The following A2M variants were observed in gnomAD, a reference collection of about 807,000 sequenced individuals.
A2M encodes alpha-2-macroglobulin.
A2M carries 128 observed loss-of-function variants against 183.9 expected under a neutral mutation model. The observed-to-expected ratio is 0.70, with a 90% CI of 0.60 to 0.81. The LOEUF is 0.81. Among genes scored for constraint, A2M ranks in the 30% least tolerant of loss-of-function variants. A2M has a pLI of 0.00. For synonymous variants in A2M, 592 were observed against 670.8 expected (o/e 0.88, Z 1.81); for missense variants, 1,495 against 1,787.6 (o/e 0.84, Z 2.95).
Position 9,095,552 on chromosome 12 carries a change from T to C in A2M, c.2000A>G (p.Tyr667Cys). Reference protein sequence around the residue: ...PVSSTNEKDMYSFLEDMGLKA... With the variant: ...PVSSTNEKDMCSFLEDMGLKA... ...TAAGGAGTTTACCTCTAGGAAGCTG[T>C]ACATATCCTTTTCATTTGTACTTGA... is the stretch of plus-strand genomic sequence containing the variant. Residue 667 changes from tyrosine (Y) to cysteine (C), a missense_variant, in exon 16 of 36, where the codon TAC becomes TGC. Transcript: ENST00000318602. 1 of 1,612,086 alleles carries C rather than the reference T, an allele frequency of 6.2e-7. No individual in the cohort carries two copies. The highest frequency in any genetic ancestry group is 8.5e-7 in the Non-Finnish European group (1 of 1,178,462).
At chr12:9,112,592 T>C in intron 2 of A2M, 56 bp from the exon 3 acceptor site, 1 of 1,593,022 alleles carries the variant, frequency 6.3e-7, no homozygotes, top group Non-Finnish European at 8.6e-7. Context: ...TCTCCTCCCC[T>C]ATTTGCTGTT....
chr12:9,110,423 A>AT lies in A2M; in HGVS notation c.484-90dup, dbSNP rs2137960807. ...AGCAAAGCAGCTAGTATTTGCTAGC[A>AT]TAACAGGGTGAGTATAGTAAAAAAT... On this transcript the variant is annotated intron_variant, in intron 4 of 35. Transcript: ENST00000318602. 4.0e-6 allele frequency: 3 copies of AT among 745,400 alleles called. No individual in the cohort carries two copies. The East Asian group carries it at 8.8e-5, about 22-fold the overall frequency. 46.2% of individuals were successfully genotyped at this position (745,400 alleles called of 1,614,324 possible). A position where few individuals can be genotyped will look rare whatever the true frequency, so the allele number is the denominator to read the frequency against.
intron 25 of A2M, among the ~76,000 whole-genome samples, chr12:9,078,282 A>AC (rs11379731): frequency 0.55 from 83,548 of 151,810 alleles, 24,543 homozygotes; most frequent in African/African-American, 0.75. Flanking sequence ...ATGAGTGAGA[A>AC]ATGTGGTGTT....
rs781031290 is a variant in A2M at position 9,074,790 on chromosome 12, G to T, written c.3533-7C>A. On this transcript the variant is annotated splice_region_variant and splice_polypyrimidine_tract_variant and intron_variant, in intron 28 of 35. Transcript: ENST00000318602. ...TCCCAATGGACAGAGTTGTCTTAAA[G>T]ATGAGAAAAAGATATTTATAAGTGC... The T allele has an allele frequency of 1.2e-6, 2 of 1,601,588 alleles. No homozygotes were observed. Among genetic ancestry groups the T allele is most frequent in the Admixed American group, 3.4e-5 (2 of 58,210 alleles).
At chr12:9,102,243 T>G (rs949696614) in intron 11 of A2M, among the ~76,000 whole-genome samples, 1 of 152,062 alleles carries the variant, frequency 6.6e-6, no homozygotes, top group African/African-American at 2.4e-5. Context: ...TGAGACAGGG[T>G]TTTGCTCTGG....
In A2M at chr12:9,092,492, A is replaced by C. The variant is rs181310504; in HGVS notation, c.2240+973T>G. On this transcript the variant is annotated intron_variant, in intron 18 of 35. Coordinates refer to ENST00000318602, the MANE Select transcript of A2M (RefSeq NM_000014.6). ...CTGTCTCCTAAGGGTTGGGCTTCTA[A>C]ACAGCCTGCATCTGGGAGTGAAAGG... Among the ~76,000 whole-genome samples, 113 of 152,282 alleles carry C rather than the reference A, an allele frequency of 7.4e-4. 1 individual carries two copies. Among genetic ancestry groups the C allele is most frequent in the Non-Finnish European group, 9.9e-4 (67 of 68,016 alleles).
chr12:9,094,805 T>C (rs1485937468), intron 17 of A2M, among the ~76,000 whole-genome samples, 168 bp downstream of exon 17: 2 of 152,194 alleles, frequency 1.3e-5, no homozygotes, highest in East Asian at 3.8e-4. Context: ...TGTACCTCCA[T>C]TTACTAGAAT....
At chr12:9,113,893 T>C (rs147251764) in intron 1 of A2M, among the ~76,000 whole-genome samples, 25 of 152,354 alleles carry the variant, frequency 1.6e-4, no homozygotes, top group African/African-American at 6.0e-4. Flanking sequence ...CTGTAAAAAG[T>C]AAGCAAGCTC....
intron 34 of A2M, 73 bp from the exon 35 acceptor site, chr12:9,068,297 A>T: frequency 6.7e-7 from 1 of 1,496,020 alleles, no homozygotes. Flanking sequence ...CATCTGTGGG[A>T]TACAGGCCAA....
At chr12:9,114,336 A>T (rs1327808572) in intron 1 of A2M, among the ~76,000 whole-genome samples, 1 of 151,994 alleles carries the variant, frequency 6.6e-6, no homozygotes, top group African/African-American at 2.4e-5. Flanking sequence ...TAATTTTTGG[A>T]CTCTGTGCAC....
rs769128468 is a variant in A2M at position 9,076,805 on chromosome 12, G to A, written c.3483C>T (p.Asp1161=). ...GTGACTTGAGTACTTCCTTCCTCTT[G>A]TCCTGGTTACCTGCCAGGGCAAAAG... The part of the protein sequence containing the change: ...AYAFALAGNQ[D]KRKEVLKSLN... The change falls in exon 28 of 36, where the codon GAC becomes GAT. Residue 1161 remains aspartate, a synonymous_variant. Transcript: ENST00000318602. 2 of 1,613,776 alleles carry A rather than the reference G, an allele frequency of 1.2e-6. No individual in the cohort carries two copies. The highest frequency in any genetic ancestry group is 2.7e-5 in the African/African-American group (2 of 74,870).
chr12:9,069,528 G>A (rs927916931), intron 33 of A2M, among the ~76,000 whole-genome samples: 1 of 152,018 alleles, frequency 6.6e-6, no homozygotes, highest in South Asian at 2.1e-4. Context: ...GGGATTTTAG[G>A]AATATTCATA....
intron 30 of A2M, 70 bp from the exon 31 acceptor site, chr12:9,072,556 T>C (rs916952188): frequency 3.8e-6 from 6 of 1,599,406 alleles, no homozygotes; most frequent in Non-Finnish European, 5.1e-6. Context: ...CCCTAACCCT[T>C]TCTCTGATCT....
intron 24 of A2M, 71 bp from the exon 25 acceptor site, chr12:9,079,402 G>T: frequency 6.9e-7 from 1 of 1,444,636 alleles, no homozygotes; most frequent in Non-Finnish European, 9.7e-7. Flanking sequence ...ATTACTAAAA[G>T]TACCTTGGCT....
chr12:9,113,226 A>G (rs1938879271), intron 2 of A2M, 134 bp downstream of exon 2: 5 of 853,086 alleles, frequency 5.9e-6, no homozygotes, highest in African/African-American at 1.7e-5. Flanking sequence ...CTTAATTTCT[A>G]TACTTAGTTT....
At chr12:9,091,823 A>G (rs566891839) in intron 18 of A2M, among the ~76,000 whole-genome samples, 1 of 152,228 alleles carries the variant, frequency 6.6e-6, no homozygotes, top group Non-Finnish European at 1.5e-5. Context: ...GGGATCTCTT[A>G]CAGGCAATCT....
chr12:9,110,280 T>C lies in A2M; in HGVS notation c.504+34A>G, dbSNP rs760717586. Reference sequence around the variant, plus strand: ...GAACATTTTCCCTATATGTATTGCTTTCCTTTTAATATGGAATGTTTCATG... The same window carrying C: ...GAACATTTTCCCTATATGTATTGCTCTCCTTTTAATATGGAATGTTTCATG... On this transcript the variant is annotated intron_variant, in intron 5 of 35. Transcript: ENST00000318602. 13 of 1,441,508 alleles carry C rather than the reference T, an allele frequency of 9.0e-6. No homozygotes were observed. In the South Asian group the frequency reaches 1.4e-4, roughly 16 times the overall value. 89.3% of individuals were successfully genotyped at this position (1,441,508 alleles called of 1,614,324 possible).
At chr12:9,077,554 T>C in intron 26 of A2M, 134 bp from the exon 27 acceptor site, 1 of 1,472,538 alleles carries the variant, frequency 6.8e-7, no homozygotes, top group Non-Finnish European at 9.3e-7. Flanking sequence ...CACAATCAAC[T>C]TTTGTTCTAT....
In A2M at chr12:9,093,586, T is replaced by C; in HGVS notation, c.2126-7A>G. On this transcript the variant is annotated splice_polypyrimidine_tract_variant and splice_region_variant and intron_variant, in intron 17 of 35. Transcript: ENST00000318602. ...CTTCCCATTACATCTGACTCTATGG[T>C]GAGTGAGGAAGAAGACATTACAATA... is the stretch of plus-strand genomic sequence containing the variant. 1 of 1,404,140 alleles carries C rather than the reference T, an allele frequency of 7.1e-7. No individual in the cohort carries two copies. The highest frequency in any genetic ancestry group is 9.6e-7 in the Non-Finnish European group (1 of 1,036,780). 87.0% of individuals were successfully genotyped at this position (1,404,140 alleles called of 1,614,324 possible). A position where few individuals can be genotyped will look rare whatever the true frequency, so the allele number is the denominator to read the frequency against.
Sources: gnomAD v4.1 joint callset for allele counts (sites outside exome capture counted in the v4.1 genomes callset) on GRCh38, gnomAD v4.1.1 for gene constraint, MANE v1.5 for transcripts, NCBI Gene and HGNC (gene_info 2026-07-23, HGNC 2026-07-21) for gene names.